The following COG4 variants were observed in gnomAD, a reference collection of about 807,000 sequenced individuals.
COG4 encodes the protein conserved oligomeric Golgi complex subunit 4.
COG4 carries 65 observed loss-of-function variants against 95.1 expected under a neutral mutation model. That is an observed-to-expected ratio of 0.68 (90% CI 0.56 to 0.84). The LOEUF is 0.84. Among genes scored for constraint, COG4 ranks in the 40% least tolerant of loss-of-function variants. COG4 has a pLI of 0.00. For missense variants in COG4, 1,045 were observed against 989.1 expected, an observed-to-expected ratio of 1.06 and a Z score of -0.76; for synonymous variants, 421 against 374.8, an observed-to-expected ratio of 1.12 and a Z score of -1.42.
At chr16:70,488,077 G>A (rs2049173285) in intron 13 of COG4, among the ~76,000 whole-genome samples, 1 of 151,770 alleles carries the variant, frequency 6.6e-6, no homozygotes, top group Admixed American at 6.6e-5. Context: ...CTCCCGCCTT[G>A]GCATCCCAAA....
chr16:70,504,282 A>G (rs961944103), intron 8 of COG4, among the ~76,000 whole-genome samples: 2 of 152,042 alleles, frequency 1.3e-5, no homozygotes, highest in Non-Finnish European at 2.9e-5. Flanking sequence ...CCATCTTACA[A>G]TGCGTAGAAC....
Position 70,505,963 on chromosome 16 carries a change from T to C in COG4, c.1061+2443A>G, listed in dbSNP as rs543397408. ...GGGTTCAAGACCATCCTGGGCAACA[T>C]AGCAAGCCCTCATCTCTACCAAAAA... On this transcript the variant is annotated intron_variant, in intron 8 of 18. Coordinates refer to ENST00000323786, the MANE Select transcript of COG4 (RefSeq NM_015386.3). Among the ~76,000 whole-genome samples, 12 of 150,640 alleles carry C rather than the reference T, an allele frequency of 8.0e-5. 1 individual carries two copies. The highest frequency in any genetic ancestry group is 4.2e-4 in the South Asian group (2 of 4,766).
chr16:70,514,803 T>C (rs1186854178), intron 3 of COG4, among the ~76,000 whole-genome samples: 1 of 152,046 alleles, frequency 6.6e-6, no homozygotes, highest in Non-Finnish European at 1.5e-5. Flanking sequence ...AACCTCTGCC[T>C]CCTGGGCCTA....
intron 9 of COG4, among the ~76,000 whole-genome samples, chr16:70,499,222 G>T (rs2049399921): frequency 6.6e-6 from 1 of 151,880 alleles, no homozygotes. Context: ...AGCTGAGAAA[G>T]ATGAATTTAA....
At chr16:70,507,211 C>T (rs941446177) in intron 8 of COG4, among the ~76,000 whole-genome samples, 4 of 151,986 alleles carry the variant, frequency 2.6e-5, no homozygotes, top group Admixed American at 6.6e-5. Flanking sequence ...GTACTGCAGT[C>T]TGGCCTGGGC....
rs372648984 is a variant in COG4, at chr16:70,497,389, T to C, written c.1315-2A>G. On this transcript the variant is annotated splice_acceptor_variant, in intron 10 of 18. Transcript: ENST00000323786. LOFTEE classifies it high-confidence loss of function. The stretch of plus-strand genomic sequence containing the variant: ...CTCATAGGTGTCCAGAGCCACAGCC[T>C]ACCCAAAAGGCAAAGCCAACACTGA... The C allele has an allele frequency of 1.2e-6, 2 of 1,612,682 alleles. No homozygotes were observed. Among genetic ancestry groups the C allele is most frequent in the African/African-American group, 2.7e-5 (2 of 74,914 alleles).
chr16:70,496,930 G>A (rs1207619475), intron 11 of COG4, among the ~76,000 whole-genome samples: 1 of 152,186 alleles, frequency 6.6e-6, no homozygotes, highest in Non-Finnish European at 1.5e-5. Flanking sequence ...TGCTGGGCCT[G>A]TAGCAATGGT....
At chr16:70,492,866 G>A (rs967570184) in intron 12 of COG4, among the ~76,000 whole-genome samples, 1 of 151,804 alleles carries the variant, frequency 6.6e-6, no homozygotes, top group Non-Finnish European at 1.5e-5. Flanking sequence ...GGGGGGCTGA[G>A]GCAGGAGAAT....
chr16:70,510,106 T>C (rs2049668716), intron 5 of COG4, 85 bp from the exon 6 acceptor site: 3 of 1,131,188 alleles, frequency 2.7e-6, no homozygotes, highest in East Asian at 2.4e-5. Context: ...AATCCTCCCA[T>C]TGACTTTCTT....
intron 12 of COG4, among the ~76,000 whole-genome samples, chr16:70,495,228 TA>T (rs531628464): frequency 0.012 from 1,461 of 118,776 alleles, 3 homozygotes; most frequent in South Asian, 0.021. Flanking sequence ...CAGTCTTTAC[TA>T]AAAAAAAAAA....
chr16:70,490,258 T>C, intron 13 of COG4, 72 bp downstream of exon 13: 1 of 1,226,666 alleles, frequency 8.2e-7, no homozygotes, highest in Non-Finnish European at 1.2e-6. Context: ...TTCACCATGA[T>C]GTTTGTATAG....
At chr16:70,515,644 T>C (rs2049806015) in intron 3 of COG4, among the ~76,000 whole-genome samples, 1 of 152,040 alleles carries the variant, frequency 6.6e-6, no homozygotes, top group African/African-American at 2.4e-5. Context: ...GATCAAGCCA[T>C]TGCACTCCAG....
intron 13 of COG4, 39 bp from the exon 14 acceptor site, chr16:70,484,008 TG>T (rs1348871729): frequency 6.8e-7 from 1 of 1,462,312 alleles, no homozygotes; most frequent in Admixed American, 1.7e-5. Context: ...CGAGCACGCG[TG>T]GGCCATGGGA....
At position 70,498,044 on chromosome 16, in the gene COG4, A is replaced by C. The variant is rs766618889; in HGVS notation, c.1207T>G (p.Cys403Gly). 6 of 1,609,180 alleles carry C rather than the reference A, an allele frequency of 3.7e-6. No homozygotes were observed. The highest frequency in any genetic ancestry group is 5.1e-6 in the Non-Finnish European group (6 of 1,175,656). ...CAGTTATTGAGGAGTTTGTCCAGAC[A>C]CTTCTGGTGCTCTAGGGGACAGCCA... ...SEEVKQEHQK[C>G]LDKLLNNCLL... is the part of the protein sequence containing the mutation. Residue 403 changes from cysteine (C) to glycine (G), a missense_variant, in exon 10 of 19, where the codon TGT (cysteine) becomes GGT (glycine). By Grantham distance (159) the Cys-to-Gly change is radical (BLOSUM62 -3). Transcript: ENST00000323786.
intron 1 of COG4, among the ~76,000 whole-genome samples, chr16:70,520,261 C>T (rs1179003169): frequency 2.0e-5 from 3 of 151,810 alleles, no homozygotes; most frequent in African/African-American, 2.4e-5. Flanking sequence ...CGGTGAAACC[C>T]TGTCTCTACT....
intron 3 of COG4, among the ~76,000 whole-genome samples, chr16:70,517,339 T>C: frequency 6.6e-6 from 1 of 151,900 alleles, no homozygotes; most frequent in African/African-American, 2.4e-5. Flanking sequence ...GAGGCCAGCC[T>C]GGCTAACATG....
chr16:70,511,542 G>A (rs908365817), intron 5 of COG4, among the ~76,000 whole-genome samples: 35 of 149,816 alleles, frequency 2.3e-4, no homozygotes, highest in East Asian at 2.0e-4. Context: ...CAGTGAGACC[G>A]TTTCTATAAA....
intron 4 of COG4, among the ~76,000 whole-genome samples, chr16:70,512,849 G>C (rs1034434560): frequency 6.6e-6 from 1 of 152,178 alleles, no homozygotes; most frequent in Non-Finnish European, 1.5e-5. Flanking sequence ...ATGGTGGCAT[G>C]CGCCTGTAGT....
chr16:70,503,289 T>C (rs1221390740), intron 8 of COG4, among the ~76,000 whole-genome samples: 6 of 152,178 alleles, frequency 3.9e-5, no homozygotes, highest in Admixed American at 3.9e-4. Flanking sequence ...TGGGCTCAAG[T>C]GATCTGCCCA....
Sources: gnomAD v4.1 joint callset for allele counts (sites outside exome capture counted in the v4.1 genomes callset) on GRCh38, gnomAD v4.1.1 for gene constraint, MANE v1.5 for transcripts, NCBI Gene and HGNC (gene_info 2026-07-23, HGNC 2026-07-21) for gene names.